The following SPC25 variants were observed in gnomAD, a reference collection of about 807,000 sequenced individuals.
SPC25 encodes the protein kinetochore protein Spc25.
SPC25 carries 22 observed loss-of-function variants against 29.6 expected under a neutral mutation model. The ratio of observed to expected loss-of-function variants is 0.74; its 90% CI spans 0.53 to 1.06. The LOEUF (loss-of-function observed/expected upper bound fraction) is 1.06. Ranked by LOEUF, SPC25 falls within the 50% of genes least tolerant of loss-of-function variation. SPC25 has a pLI of 0.00. For missense variants in SPC25, 230 were observed against 255.8 expected, an observed-to-expected ratio of 0.90 and a Z score of 0.69; for synonymous variants, 91 against 90.4, an observed-to-expected ratio of 1.01 and a Z score of -0.04.
intron 4 of SPC25, among the ~76,000 whole-genome samples, chr2:168,863,974 G>C (rs776661628): frequency 6.6e-6 from 1 of 151,712 alleles, no homozygotes; most frequent in Non-Finnish European, 1.5e-5. Flanking sequence ...ACAGTGGTGT[G>C]ATCTTAGCTC....
chr2:168,863,793 C>G, intron 4 of SPC25: 1 of 322,784 alleles, frequency 3.1e-6, no homozygotes, highest in Non-Finnish European at 4.5e-6. Context: ...ATCAAAAACA[C>G]CAGCATGTGA....
At chr2:168,877,911 C>T (rs929975429) in intron 3 of SPC25, among the ~76,000 whole-genome samples, 2 of 151,452 alleles carry the variant, frequency 1.3e-5, no homozygotes, top group African/African-American at 4.8e-5. Flanking sequence ...GTTGCCCAGG[C>T]TAGTCTCAAA....
chr2:168,883,053 G>A (rs1037310750), intron 3 of SPC25, among the ~76,000 whole-genome samples: 3 of 151,856 alleles, frequency 2.0e-5, no homozygotes, highest in Non-Finnish European at 4.4e-5. Flanking sequence ...AATAGGATAC[G>A]TGCAAATATT....
At chr2:168,883,620 G>C (rs977386586) in intron 3 of SPC25, among the ~76,000 whole-genome samples, 2 of 152,140 alleles carry the variant, frequency 1.3e-5, no homozygotes, top group African/African-American at 4.8e-5. Context: ...ATTCACTGGG[G>C]TTAGAGTATC....
Position 168,871,317 on chromosome 2 carries a change from C to A in SPC25, c.*114G>T, listed in dbSNP as rs1689978592. 2 of 1,026,692 alleles carry A rather than the reference C, an allele frequency of 1.9e-6. No individual in the cohort carries two copies. Among genetic ancestry groups the A allele is most frequent in the Non-Finnish European group, 1.4e-6 (1 of 728,288 alleles). The allele number at this position is 1,026,692 out of a possible 1,614,324, so 63.6% of individuals were successfully genotyped here. Reference sequence around the variant, plus strand: ...CATGTATACATATGTAACAAACCTGCACATTGTGCACATGTACCCTAAAAC... The same window carrying A: ...CATGTATACATATGTAACAAACCTGAACATTGTGCACATGTACCCTAAAAC... On this transcript the variant is annotated 3_prime_UTR_variant, in exon 7 of 7. Coordinates refer to ENST00000282074, the MANE Select transcript of SPC25 (RefSeq NM_020675.4).
intron 4 of SPC25, among the ~76,000 whole-genome samples, chr2:168,876,600 C>CT (rs34758857): frequency 0.015 from 2,107 of 142,640 alleles, 43 homozygotes; most frequent in African/African-American, 0.039. Context: ...TTAGTTTTTT[C>CT]TTTTTTTTTT....
intron 3 of SPC25, among the ~76,000 whole-genome samples, chr2:168,888,296 C>A (rs1030114825): frequency 7.9e-5 from 12 of 151,890 alleles, no homozygotes; most frequent in African/African-American, 9.7e-5. Flanking sequence ...TGGCTCACGC[C>A]TGTAATCCCA....
At chr2:168,881,000 C>T (rs543873624) in intron 3 of SPC25, among the ~76,000 whole-genome samples, 6 of 152,290 alleles carry the variant, frequency 3.9e-5, no homozygotes, top group South Asian at 4.1e-4. Flanking sequence ...GTGACAGATA[C>T]GAAGTCACCA....
intron 6 of SPC25, among the ~76,000 whole-genome samples, chr2:168,872,617 A>G (rs561089623): frequency 3.3e-5 from 5 of 152,316 alleles, no homozygotes; most frequent in African/African-American, 1.2e-4. Context: ...TCCAAAATGT[A>G]TCCTGTATAT....
chr2:168,873,166 G>C (rs893952412), intron 6 of SPC25, among the ~76,000 whole-genome samples: 3 of 152,086 alleles, frequency 2.0e-5, no homozygotes, highest in African/African-American at 7.2e-5. Context: ...TTATTTTTGG[G>C]AAAATAAATT....
Position 168,873,678 on chromosome 2 carries a change from T to G in SPC25, c.457A>C (p.Lys153Gln), listed in dbSNP as rs150952530. ...ATATTAGTGAAAATAAACTGCAATT[T>G]CTCACCTGAAAAGAGATTAAACTAT... is the stretch of plus-strand genomic sequence containing the variant. ...GLEIRKIYGE[K>Q]LQFIFTNIDP... The change falls in exon 6 of 7, where the codon AAA becomes CAA. Residue 153 changes from lysine to glutamine, a missense_variant. Coordinates refer to ENST00000282074, the MANE Select transcript of SPC25 (RefSeq NM_020675.4). 1.4e-5 allele frequency: 22 copies of G among 1,605,814 alleles called. No homozygotes were observed. In the African/African-American group the frequency reaches 2.8e-4, roughly 21 times the overall value.
intron 4 of SPC25, chr2:168,864,871 A>G (rs3931): frequency 0.3 from 482,941 of 1,612,962 alleles, 75,704 homozygotes; most frequent in Non-Finnish European, 0.32. Context: ...AAGAAGGAGG[A>G]TGGTGGTTTG....
At chr2:168,881,509 A>C (rs976307499) in intron 3 of SPC25, among the ~76,000 whole-genome samples, 1 of 152,258 alleles carries the variant, frequency 6.6e-6, no homozygotes, top group Non-Finnish European at 1.5e-5. Context: ...TAGACAAAGC[A>C]GGAAGGCACA....
At chr2:168,873,392 G>C (rs1022692985) in intron 6 of SPC25, among the ~76,000 whole-genome samples, 193 bp downstream of exon 6, 22 of 152,106 alleles carry the variant, frequency 1.4e-4, no homozygotes, top group Non-Finnish European at 1.8e-4. Context: ...TACTTATTAA[G>C]GATCTTAGAC....
chr2:168,877,278 A>AT lies in SPC25; in HGVS notation c.305dup (p.Asn102LysfsTer6), dbSNP rs1308233693. On this transcript the variant is annotated frameshift_variant, in exon 4 of 7. Transcript: ENST00000282074. LOFTEE classifies it high-confidence loss of function. ...AATATTCTTCCTTAAGATCCTGGAT[A>AT]TTTGCAGTCAGTACTTCCAATTCCT... 2 of 1,613,688 alleles carry AT rather than the reference A, an allele frequency of 1.2e-6. No individual in the cohort carries two copies. Among genetic ancestry groups the AT allele is most frequent in the Non-Finnish European group, 1.7e-6 (2 of 1,179,786 alleles).
chr2:168,863,851 A>T (rs1485107757), intron 4 of SPC25, among the ~76,000 whole-genome samples: 1 of 152,202 alleles, frequency 6.6e-6, no homozygotes, highest in Non-Finnish European at 1.5e-5. Context: ...ACAATCCATC[A>T]GCTACATAGA....
At chr2:168,868,366 G>A (rs1475048828), downstream of SPC25, among the ~76,000 whole-genome samples, 1 of 152,162 alleles carries the variant, frequency 6.6e-6, no homozygotes, top group Non-Finnish European at 1.5e-5. Flanking sequence ...GAGCAGAACT[G>A]AAGGAAATAG....
downstream of SPC25, among the ~76,000 whole-genome samples, chr2:168,868,625 C>T (rs983763361): frequency 1.2e-4 from 18 of 152,198 alleles, no homozygotes; most frequent in South Asian, 6.2e-4. Context: ...ATAAATTCCT[C>T]GACACATACA....
At chr2:168,873,048 T>A (rs779609803) in intron 6 of SPC25, among the ~76,000 whole-genome samples, 18 of 152,234 alleles carry the variant, frequency 1.2e-4, no homozygotes, top group Non-Finnish European at 2.1e-4. Context: ...CACATTATTA[T>A]CAATGATATA....
Sources: allele counts gnomAD v4.1 joint callset (sites outside exome capture counted in the v4.1 genomes callset), GRCh38; gene constraint gnomAD v4.1.1; transcripts MANE v1.5; gene names NCBI Gene and HGNC (gene_info 2026-07-23, HGNC 2026-07-21).